The following IST1 variants were observed in gnomAD, a reference collection of about 807,000 sequenced individuals.
IST1 encodes IST1 factor associated with ESCRT-III.
A neutral mutation model predicts 37.0 loss-of-function variants in IST1; 23 were observed. That is an observed-to-expected ratio of 0.62 (90% CI 0.45 to 0.88). The LOEUF is 0.88. Ranked by LOEUF, IST1 falls within the 40% of genes least tolerant of loss-of-function variation. IST1 has a pLI of 0.00. For synonymous variants in IST1, 180 were observed against 161.7 expected, an observed-to-expected ratio of 1.11 and a Z score of -0.86; for missense variants, 488 against 445.4, an observed-to-expected ratio of 1.10 and a Z score of -0.86.
Position 71,910,203 on chromosome 16 carries a change from C to T in IST1, c.-15-5423C>T, listed in dbSNP as rs1325368090. Reference sequence around the variant, plus strand: ...CTGAGTAGTTTGATGAAATCTCGTGCCATCCTGCTCATCCCACCTGGGATG... The same window carrying T: ...CTGAGTAGTTTGATGAAATCTCGTGTCATCCTGCTCATCCCACCTGGGATG... On this transcript the variant is annotated intron_variant, in intron 1 of 9. Coordinates refer to ENST00000378799, the MANE Select transcript of IST1 (RefSeq NM_001270975.2). Among the ~76,000 whole-genome samples the T allele has an allele frequency of 2.0e-5, 3 of 152,100 alleles. No individual in the cohort carries two copies. In the East Asian group the frequency reaches 5.8e-4, roughly 29 times the overall value.
chr16:71,910,950 G>A (rs1396572997), intron 1 of IST1, among the ~76,000 whole-genome samples: 1 of 152,048 alleles, frequency 6.6e-6, no homozygotes, highest in Non-Finnish European at 1.5e-5. Flanking sequence ...GTATTATAAT[G>A]TGTATGCTAC....
At position 71,923,773 on chromosome 16, in the gene IST1, GAAGA is replaced by G. The variant is rs1277909889; in HGVS notation, c.852+394_852+397del. Among the ~76,000 whole-genome samples the G allele has an allele frequency of 2.0e-5, 3 of 152,100 alleles. No individual in the cohort carries two copies. The East Asian group carries it at 5.8e-4, about 29-fold the overall frequency. ...CTATGTGTTCTCAACACATGTAAAG[GAAGA>G]GTGACCAGATTGATCTTAATCAGAA... On this transcript the variant is annotated intron_variant, in intron 8 of 9. Coordinates refer to ENST00000378799, the MANE Select transcript of IST1 (RefSeq NM_001270975.2).
chr16:71,900,253 CTTG>C (rs2037075164), intron 1 of IST1, among the ~76,000 whole-genome samples: 1 of 149,504 alleles, frequency 6.7e-6, no homozygotes, highest in South Asian at 2.1e-4. Flanking sequence ...TGTAGCCAGT[CTTG>C]ACCTTGCTCT....
chr16:71,928,094 C>T lies in IST1; in HGVS notation c.*281C>T, dbSNP rs1335404740. ...TCCCAGGTTTCCTCCTGGCCCGTCCCATGGTCCCTCCACAGGAGTGTGAGA... is the reference window on the plus strand; with the variant it reads ...TCCCAGGTTTCCTCCTGGCCCGTCCTATGGTCCCTCCACAGGAGTGTGAGA... On this transcript the variant is annotated 3_prime_UTR_variant, in exon 10 of 10. Transcript: ENST00000378799. 1.7e-5 allele frequency: 7 copies of T among 413,080 alleles called. No individual in the cohort carries two copies. The highest frequency in any genetic ancestry group is 1.6e-4 in the East Asian group (3 of 18,274). 25.6% of individuals were successfully genotyped at this position (413,080 alleles called of 1,614,324 possible). A position where few individuals can be genotyped will look rare whatever the true frequency, so the allele number is the denominator to read the frequency against.
chr16:71,923,330 C>A lies in IST1; in HGVS notation c.802C>A (p.Pro268Thr), dbSNP rs1450424270. Residue 268 changes from proline to threonine, a missense_variant, in exon 8 of 10, where the codon CCC becomes ACC. Around this residue, in one of 2 missense-constraint regions of IST1, gnomAD observed 455 missense variants for 386.2 expected, o/e 1.18. Transcript: ENST00000378799. ...GLPMGTYQAF[P>T]NIHPPQIPAT... ...GCCAATGGGGACTTATCAGGCCTTT[C>A]CCAATATTCATCCACCTCAGATACC... 2.5e-6 allele frequency: 4 copies of A among 1,612,870 alleles called. No homozygotes were observed. The South Asian group carries it at 4.4e-5, about 18-fold the overall frequency.
At chr16:71,920,384 C>G (rs1468302257) in intron 4 of IST1, among the ~76,000 whole-genome samples, 1 of 152,086 alleles carries the variant, frequency 6.6e-6, no homozygotes, top group African/African-American at 2.4e-5. Flanking sequence ...TTAAAAGAAG[C>G]TTATTTCTAA....
intron 1 of IST1, among the ~76,000 whole-genome samples, chr16:71,897,326 C>T (rs2036996733): frequency 6.6e-6 from 1 of 152,082 alleles, no homozygotes; most frequent in African/African-American, 2.4e-5. Context: ...GTTTTAAAGT[C>T]ATCCAGTTTC....
At chr16:71,900,656 C>T (rs557636670) in intron 1 of IST1, among the ~76,000 whole-genome samples, 1 of 110,128 alleles carries the variant, frequency 9.1e-6, no homozygotes, top group African/African-American at 3.8e-5. Context: ...TGGTGTTACA[C>T]TAATAAAGAT....
At position 71,917,083 on chromosome 16, in the gene IST1, A is replaced by G. The variant is rs773221220; in HGVS notation, c.306A>G (p.Thr102=). 5 of 1,612,684 alleles carry G rather than the reference A, an allele frequency of 3.1e-6. No homozygotes were observed. Among genetic ancestry groups the G allele is most frequent in the Middle Eastern group, 1.6e-4 (1 of 6,062 alleles). ...CTGGTCTGGCTGAATCTGTGTCTAC[A>G]TTGATCTGGGCTGCTCCTCGACTCC... ...LDSGLAESVS[T]LIWAAPRLQS... Residue 102 remains threonine, a synonymous_variant, in exon 4 of 10, where the codon ACA becomes ACG. Transcript: ENST00000378799.
chr16:71,899,072 G>T (rs908254117), intron 1 of IST1, among the ~76,000 whole-genome samples: 1 of 151,758 alleles, frequency 6.6e-6, no homozygotes, highest in Non-Finnish European at 1.5e-5. Flanking sequence ...CTTTCTTTAT[G>T]CCTGTGCATT....
intron 4 of IST1, among the ~76,000 whole-genome samples, chr16:71,919,594 G>A (rs531911186): frequency 7.2e-5 from 11 of 152,280 alleles, no homozygotes; most frequent in East Asian, 3.9e-4. Flanking sequence ...GTTTTGCTGC[G>A]TTGCCCAGGC....
chr16:71,895,268 G>A (rs2036938273), upstream of IST1: 3 of 156,710 alleles, frequency 1.9e-5, no homozygotes, highest in South Asian at 3.2e-4. Context: ...GCCTCCCCGC[G>A]CCCAGAGCGA....
intron 6 of IST1, 156 bp downstream of exon 6, chr16:71,921,609 A>C: frequency 1.7e-6 from 1 of 581,346 alleles, no homozygotes; most frequent in East Asian, 2.8e-5. Context: ...TGCATATCTC[A>C]CAGGGTACTT....
At chr16:71,900,274 C>T (rs1447542370) in intron 1 of IST1, among the ~76,000 whole-genome samples, 3 of 151,648 alleles carry the variant, frequency 2.0e-5, no homozygotes, top group African/African-American at 7.3e-5. Flanking sequence ...TCTCTCCCCT[C>T]CTCACTTCGT....
upstream of IST1, chr16:71,895,464 G>A: frequency 9.4e-6 from 9 of 958,098 alleles, no homozygotes; most frequent in Non-Finnish European, 9.9e-6. Context: ...GGAAAGGAGG[G>A]CGTGGCTATA....
At chr16:71,910,776 A>G (rs1297091382) in intron 1 of IST1, among the ~76,000 whole-genome samples, 2 of 152,140 alleles carry the variant, frequency 1.3e-5, no homozygotes, top group African/African-American at 4.8e-5. Context: ...TTCTTACTCA[A>G]GTATATGTGA....
At chr16:71,920,707 CTA>C (rs779293876) in intron 4 of IST1, 30 bp from the exon 5 acceptor site, 47 of 1,519,618 alleles carry the variant, frequency 3.1e-5, no homozygotes, top group Non-Finnish European at 3.7e-5. Flanking sequence ...GGAGTGGTCT[CTA>C]TTTTTATTTG....
intron 1 of IST1, among the ~76,000 whole-genome samples, chr16:71,899,466 A>G (rs1490422940): frequency 6.6e-6 from 1 of 152,230 alleles, no homozygotes; most frequent in African/African-American, 2.4e-5. Flanking sequence ...TATCTTGGAA[A>G]TGTGTCCTAG....
In IST1 at chr16:71,922,459, C is replaced by G; in HGVS notation, c.553-15C>G. The G allele has an allele frequency of 6.2e-7, 1 of 1,611,298 alleles. No individual in the cohort carries two copies. Among genetic ancestry groups the G allele is most frequent in the Non-Finnish European group, 8.5e-7 (1 of 1,177,880 alleles). ...GGACATGGGTTAATGACCTGGGTTT[C>G]TCTTTTTTTCTCAGGCAGAAGCTCC... On this transcript the variant is annotated splice_polypyrimidine_tract_variant and intron_variant, in intron 6 of 9. Transcript: ENST00000378799.
Sources: gnomAD v4.1 joint callset for allele counts (sites outside exome capture counted in the v4.1 genomes callset) on GRCh38, gnomAD v4.1.1 for gene constraint, gnomAD v4.1.1 regional missense constraint, MANE v1.5 for transcripts, NCBI Gene and HGNC (gene_info 2026-07-23, HGNC 2026-07-21) for gene names.